The following BABAM2 variants were observed in gnomAD, a reference collection of about 807,000 sequenced individuals.
BABAM2 encodes BRISC and BRCA1 A complex member 2, also known as BRISC and BRCA1-A complex member 2.
Under a neutral mutation model 54.7 loss-of-function variants are expected in BABAM2, and 31 were observed. The ratio of observed to expected loss-of-function variants is 0.57; its 90% CI spans 0.43 to 0.77. The LOEUF is 0.77. BABAM2 is among the 30% of genes least tolerant of loss of function. The pLI is 0.00. For missense variants in BABAM2, 364 were observed against 455.8 expected (o/e 0.80, Z 1.83); for synonymous variants, 167 against 162.9 (o/e 1.03, Z -0.19).
Position 28,317,854 on chromosome 2 carries a change from A to T in BABAM2, c.1088+19363A>T, listed in dbSNP as rs1020820208. Among the ~76,000 whole-genome samples the T allele has an allele frequency of 2.6e-5, 4 of 152,112 alleles. No individual in the cohort carries two copies. In the East Asian group the frequency reaches 7.7e-4, roughly 29 times the overall value. ...TTTTCTTCACCAGAGACGTTTTAAGATTGTGCCTGAGTCTAACTGATGAAT... is the reference window on the plus strand; with the variant it reads ...TTTTCTTCACCAGAGACGTTTTAAGTTTGTGCCTGAGTCTAACTGATGAAT... On this transcript the variant is annotated intron_variant, in intron 11 of 11. Coordinates refer to ENST00000379624, the MANE Select transcript of BABAM2 (RefSeq NM_199191.3).
intron 7 of BABAM2, among the ~76,000 whole-genome samples, chr2:28,158,565 A>G (rs1672769078): frequency 6.6e-6 from 1 of 152,180 alleles, no homozygotes; most frequent in African/African-American, 2.4e-5. Flanking sequence ...TGGAATGTTC[A>G]TCTGTTAGGA....
chr2:28,247,366 G>A (rs1683002540), intron 10 of BABAM2, among the ~76,000 whole-genome samples: 1 of 152,130 alleles, frequency 6.6e-6, no homozygotes, highest in Non-Finnish European at 1.5e-5. Flanking sequence ...TATAGGACTT[G>A]CTACCTCGGA....
intron 7 of BABAM2, among the ~76,000 whole-genome samples, chr2:28,218,037 C>T (rs1406520435): frequency 6.6e-6 from 1 of 152,184 alleles, no homozygotes; most frequent in Non-Finnish European, 1.5e-5. Flanking sequence ...GAACAAGGAA[C>T]TGTCTTATTC....
At chr2:27,890,470 C>A, upstream of BABAM2, 1 of 842,632 alleles carries the variant, frequency 1.2e-6, no homozygotes, top group Non-Finnish European at 1.9e-6. This position sits in a 1 kb window ranked among gnomAD's most constrained non-coding sequence, Gnocchi z 4.8. Context: ...GCGGGTCGCC[C>A]ACCTGACTGC....
chr2:28,021,773 T>C (rs780853797), intron 4 of BABAM2, among the ~76,000 whole-genome samples: 1 of 152,204 alleles, frequency 6.6e-6, no homozygotes, highest in Non-Finnish European at 1.5e-5. Context: ...TTAAATAATT[T>C]TTTTCCCCCC....
intron 7 of BABAM2, among the ~76,000 whole-genome samples, chr2:28,180,764 C>CAAAAAG (rs1675536292): frequency 6.6e-6 from 1 of 151,282 alleles, no homozygotes; most frequent in East Asian, 1.9e-4. Context: ...CAAACAACAG[C>CAAAAAG]AAAAAGAAAA....
chr2:28,105,083 A>T (rs1399726176), intron 6 of BABAM2, among the ~76,000 whole-genome samples: 6 of 152,152 alleles, frequency 3.9e-5, no homozygotes, highest in African/African-American at 1.4e-4. Context: ...GGATATACCT[A>T]ATGTAAATGA....
intron 6 of BABAM2, among the ~76,000 whole-genome samples, chr2:28,084,300 G>A (rs1665448993): frequency 6.6e-6 from 1 of 152,216 alleles, no homozygotes; most frequent in African/African-American, 2.4e-5. Context: ...GGCCTTGGAA[G>A]GGAGAGGTGT....
At chr2:28,288,461 G>A (rs1420772085) in intron 10 of BABAM2, among the ~76,000 whole-genome samples, 1 of 151,790 alleles carries the variant, frequency 6.6e-6, no homozygotes, top group Admixed American at 6.6e-5. Context: ...GAGTAGCTAG[G>A]ATTTCAGGCA....
intron 11 of BABAM2, among the ~76,000 whole-genome samples, chr2:28,317,257 CAG>C (rs1689636270): frequency 6.6e-6 from 1 of 152,170 alleles, no homozygotes; most frequent in South Asian, 2.1e-4. Context: ...AAATCCAACT[CAG>C]AGCAGATAGC....
intron 6 of BABAM2, among the ~76,000 whole-genome samples, chr2:28,096,608 T>A (rs1666648199): frequency 6.6e-6 from 1 of 152,148 alleles, no homozygotes; most frequent in Non-Finnish European, 1.5e-5. Flanking sequence ...GTTTACATAG[T>A]TGCCATTTTT....
intron 7 of BABAM2, among the ~76,000 whole-genome samples, chr2:28,143,971 T>C (rs1384873999): frequency 6.6e-6 from 1 of 152,214 alleles, no homozygotes; most frequent in African/African-American, 2.4e-5. Flanking sequence ...ATAAAGTCTT[T>C]AGTGAAATGC....
At chr2:27,893,260 C>T (rs1665010677) in intron 1 of BABAM2, among the ~76,000 whole-genome samples, 1 of 152,100 alleles carries the variant, frequency 6.6e-6, no homozygotes, top group Admixed American at 6.5e-5. Flanking sequence ...GTACTCCCTC[C>T]CCCAGCCCTA....
At chr2:28,160,440 A>G (rs1229280783) in intron 7 of BABAM2, among the ~76,000 whole-genome samples, 1 of 152,194 alleles carries the variant, frequency 6.6e-6, no homozygotes, top group African/African-American at 2.4e-5. Flanking sequence ...TCTTCTGTTC[A>G]GTCAGCCACA....
At chr2:28,167,461 AG>A (rs1351595118) in intron 7 of BABAM2, among the ~76,000 whole-genome samples, 2 of 152,172 alleles carry the variant, frequency 1.3e-5, no homozygotes, top group African/African-American at 4.8e-5. Flanking sequence ...TGGGAGGCCA[AG>A]GTGGGAGGAT....
chr2:27,940,831 G>A (rs1049857374), intron 3 of BABAM2, among the ~76,000 whole-genome samples: 1 of 152,192 alleles, frequency 6.6e-6, no homozygotes, highest in South Asian at 2.1e-4. Flanking sequence ...GAACTGGAAG[G>A]CTGGTAGACA....
chr2:28,219,332 C>CCATG (rs1182994854), intron 7 of BABAM2, among the ~76,000 whole-genome samples: 1 of 152,240 alleles, frequency 6.6e-6, no homozygotes, highest in Non-Finnish European at 1.5e-5. Flanking sequence ...CAAGTCCAGT[C>CCATG]CCTCTCATGC....
intron 6 of BABAM2, among the ~76,000 whole-genome samples, chr2:28,051,123 C>T (rs1429284739): frequency 1.3e-5 from 2 of 152,284 alleles, no homozygotes; most frequent in South Asian, 4.1e-4. Context: ...CTGTTAGTCT[C>T]CTGTAACGTT....
In BABAM2 at chr2:28,338,473, C is replaced by T. The variant is rs1416381978; in HGVS notation, c.1112C>T (p.Pro371Leu). 6.2e-7 allele frequency: 1 copy of T among 1,614,158 alleles called. No individual in the cohort carries two copies. The highest frequency in any genetic ancestry group is 8.5e-7 in the Non-Finnish European group (1 of 1,180,004). ...RAKAYFKTFV[P>L]QFQEAAFANG... ...AGGGCTTATTTCAAAACCTTTGTCC[C>T]TCAGTTCCAGGAGGCAGCATTTGCC... is the stretch of plus-strand genomic sequence containing the variant. Residue 371 changes from proline to leucine, a missense_variant, in exon 12 of 12, where the codon CCT (proline) becomes CTT (leucine). Physicochemically the swap from Pro to Leu is moderately conservative, Grantham distance 98. Coordinates refer to ENST00000379624, the MANE Select transcript of BABAM2 (RefSeq NM_199191.3).
Sources: gnomAD v4.1 joint callset for allele counts (sites outside exome capture counted in the v4.1 genomes callset) on GRCh38, gnomAD v4.1.1 for gene constraint, Gnocchi (gnomAD v3.1) non-coding constraint, MANE v1.5 for transcripts, NCBI Gene and HGNC (gene_info 2026-07-23, HGNC 2026-07-21) for gene names.